Variants in BMPR1B observed in about 807,000 individuals in gnomAD.
BMPR1B encodes the protein bone morphogenetic protein receptor type-1B.
Under a neutral mutation model 59.1 loss-of-function variants are expected in BMPR1B, and 12 were observed. That is an observed-to-expected ratio of 0.20 (90% CI 0.13 to 0.33). The LOEUF is 0.33. Ranked by LOEUF, BMPR1B falls within the 10% of genes least tolerant of loss-of-function variation. The pLI is 1.00. For missense variants in BMPR1B, 550 were observed against 610.9 expected (o/e 0.90, Z 1.05); for synonymous variants, 237 against 207.3 (o/e 1.14, Z -1.23).
intron 1 of BMPR1B, among the ~76,000 whole-genome samples, chr4:94,793,588 G>A (rs1167331345): frequency 1.3e-4 from 20 of 148,498 alleles, no homozygotes; most frequent in African/African-American, 4.0e-4. Flanking sequence ...CTGAGGAATC[G>A]CCACACTGAC....
At chr4:94,964,835 C>T (rs558738773) in intron 2 of BMPR1B, among the ~76,000 whole-genome samples, 47 of 152,256 alleles carry the variant, frequency 3.1e-4, no homozygotes, top group African/African-American at 9.9e-4. Flanking sequence ...TTGTCTTAAA[C>T]GCTTTCAGTG....
chr4:94,930,400 T>G (rs1729054758), intron 2 of BMPR1B, among the ~76,000 whole-genome samples: 1 of 152,102 alleles, frequency 6.6e-6, no homozygotes, highest in African/African-American at 2.4e-5. Flanking sequence ...TCAGGTGAGC[T>G]CTCTGTCACT....
intron 1 of BMPR1B, among the ~76,000 whole-genome samples, chr4:94,772,463 ATGT>A (rs1020651923): frequency 3.3e-5 from 5 of 152,200 alleles, no homozygotes; most frequent in Admixed American, 1.3e-4. Flanking sequence ...GTTTAAAATG[ATGT>A]TAAAAGTAAA....
intron 3 of BMPR1B, among the ~76,000 whole-genome samples, chr4:95,018,719 A>G (rs994858998): frequency 1.3e-4 from 20 of 152,138 alleles, no homozygotes; most frequent in Admixed American, 8.5e-4. Context: ...AATAACTACT[A>G]TTTTTCAAAA....
At position 95,087,425 on chromosome 4, in the gene BMPR1B, G is replaced by A. The variant is rs558070902; in HGVS notation, c.-17-16983G>A. 1.1e-4 allele frequency among the ~76,000 whole-genome samples: 16 copies of A among 152,146 alleles called. No individual in the cohort carries two copies. The East Asian group carries it at 3.1e-3, about 29-fold the overall frequency. On this transcript the variant is annotated intron_variant, in intron 3 of 12. Coordinates refer to ENST00000515059, the MANE Select transcript of BMPR1B (RefSeq NM_001203.3). ...TAGCACTCGTGTTTTCTTCTTGAAG[G>A]GAGTCATTTAGAAATTACCTCTCAG...
chr4:95,143,027 A>C (rs886300462), intron 10 of BMPR1B, among the ~76,000 whole-genome samples: 2 of 152,024 alleles, frequency 1.3e-5, no homozygotes. Context: ...TAAGGCATGC[A>C]CTGTTCCCTG....
At chr4:94,776,343 T>C (rs1293654430) in intron 1 of BMPR1B, among the ~76,000 whole-genome samples, 7 of 152,212 alleles carry the variant, frequency 4.6e-5, no homozygotes, top group Admixed American at 4.6e-4. Flanking sequence ...GCAGATTTTA[T>C]GGTGATGCAT....
intron 10 of BMPR1B, among the ~76,000 whole-genome samples, chr4:95,146,556 G>T (rs1734660634): frequency 6.6e-6 from 1 of 152,034 alleles, no homozygotes; most frequent in South Asian, 2.1e-4. Flanking sequence ...TTACACCTTT[G>T]GCCTTTCTAA....
chr4:95,017,909 A>G (rs1723697282), intron 3 of BMPR1B, among the ~76,000 whole-genome samples: 1 of 152,222 alleles, frequency 6.6e-6, no homozygotes, highest in Non-Finnish European at 1.5e-5. Context: ...GTCAACATCA[A>G]AAAGAAAATA....
chr4:94,895,154 A>T (rs1240283309), intron 2 of BMPR1B, among the ~76,000 whole-genome samples: 1 of 152,022 alleles, frequency 6.6e-6, no homozygotes, highest in East Asian at 1.9e-4. Flanking sequence ...TTGATTTTAC[A>T]GTTGTATGGC....
At chr4:94,841,881 A>G (rs1258488195) in intron 1 of BMPR1B, among the ~76,000 whole-genome samples, 1 of 152,208 alleles carries the variant, frequency 6.6e-6, no homozygotes, top group African/African-American at 2.4e-5. Flanking sequence ...CTTTGTGTAC[A>G]TTCTAATCTT....
intron 2 of BMPR1B, among the ~76,000 whole-genome samples, chr4:94,912,504 T>C (rs1728316290): frequency 6.6e-6 from 1 of 151,992 alleles, no homozygotes; most frequent in Non-Finnish European, 1.5e-5. Context: ...ATGGAGGAGG[T>C]CCATCTGCTT....
chr4:95,103,287 A>G (rs1197765665), intron 3 of BMPR1B: 2 of 184,828 alleles, frequency 1.1e-5, no homozygotes, highest in Non-Finnish European at 1.0e-5. Flanking sequence ...GCAGGCCTTC[A>G]TTTTTGGTTT....
At position 95,130,125 on chromosome 4, in the gene BMPR1B, T is replaced by C. The variant is rs1002574698; in HGVS notation, c.778+71T>C. On this transcript the variant is annotated intron_variant, in intron 9 of 12. Transcript: ENST00000515059. ...CTCTGTCTTTCTGTTAACATCTGCA[T>C]GTTAACTCATCTGTCTAGACCCGTT... 3 of 1,543,218 alleles carry C rather than the reference T, an allele frequency of 1.9e-6. 1 individual carries two copies. The highest frequency in any genetic ancestry group is 3.4e-5 in the Admixed American group (2 of 59,358).
At chr4:95,125,614 C>T (rs927659463) in intron 8 of BMPR1B, among the ~76,000 whole-genome samples, 7 of 152,088 alleles carry the variant, frequency 4.6e-5, no homozygotes, top group Admixed American at 3.9e-4. Context: ...AATATATGAG[C>T]AAATACAATT....
At chr4:94,915,726 C>T (rs1179160424) in intron 2 of BMPR1B, among the ~76,000 whole-genome samples, 1 of 152,160 alleles carries the variant, frequency 6.6e-6, no homozygotes, top group East Asian at 1.9e-4. Flanking sequence ...TGTACAATCA[C>T]GTTTGGTCAT....
Position 94,990,399 on chromosome 4 carries a change from T to C in BMPR1B, c.-112-5641T>C, listed in dbSNP as rs115599374. On this transcript the variant is annotated intron_variant, in intron 2 of 12. Coordinates refer to ENST00000515059, the MANE Select transcript of BMPR1B (RefSeq NM_001203.3). ...AATATAAGTTGAAGCAAAAACTTGTTTATAGCAGCATTATTCATAATGGCC... is the reference window on the plus strand; with the variant it reads ...AATATAAGTTGAAGCAAAAACTTGTCTATAGCAGCATTATTCATAATGGCC... Among the ~76,000 whole-genome samples, 370 of 152,236 alleles carry C rather than the reference T, an allele frequency of 2.4e-3. 2 individuals carry two copies. The highest frequency in any genetic ancestry group is 8.2e-3 in the African/African-American group (341 of 41,556).
At chr4:94,786,631 C>T (rs773285986) in intron 1 of BMPR1B, among the ~76,000 whole-genome samples, 13 of 152,132 alleles carry the variant, frequency 8.5e-5, no homozygotes, top group Non-Finnish European at 1.6e-4. Context: ...CTCCGCCTCC[C>T]GGATTCACAC....
At chr4:95,134,280 C>T (rs192383157) in intron 10 of BMPR1B, among the ~76,000 whole-genome samples, 92 of 152,252 alleles carry the variant, frequency 6.0e-4, no homozygotes, top group African/African-American at 2.1e-3. Context: ...CATCGATGTA[C>T]ATTTGGGTTG....
Sources: gnomAD v4.1 joint callset for allele counts (sites outside exome capture counted in the v4.1 genomes callset) on GRCh38, gnomAD v4.1.1 for gene constraint, MANE v1.5 for transcripts, NCBI Gene and HGNC (gene_info 2026-07-23, HGNC 2026-07-21) for gene names.